Variants in SEMA3E observed in about 807,000 individuals in gnomAD.
The protein encoded by SEMA3E is semaphorin-3E.
In SEMA3E, 49 loss-of-function variants were observed where a neutral mutation model predicts 93.6. That is an observed-to-expected ratio of 0.52 (90% confidence interval 0.42 to 0.66). The LOEUF (loss-of-function observed/expected upper bound fraction) is 0.66, where lower values mean the gene tolerates loss of function less well. Ranked by LOEUF, SEMA3E falls within the 30% of genes least tolerant of loss-of-function variation. SEMA3E has a pLI of 0.00. For missense variants in SEMA3E, 906 were observed against 964.8 expected (o/e 0.94, Z 0.81); for synonymous variants, 363 against 330.7 (o/e 1.10, Z -1.06).
intron 1 of SEMA3E, among the ~76,000 whole-genome samples, chr7:83,639,090 G>A (rs1009352751): frequency 2.7e-5 from 3 of 111,172 alleles, no homozygotes; most frequent in Admixed American, 1.1e-4. Flanking sequence ...CAGCCTGGGC[G>A]ACAGAGCGAG....
At chr7:83,417,330 G>T (rs1054956453) in intron 5 of SEMA3E, among the ~76,000 whole-genome samples, 17 of 152,010 alleles carry the variant, frequency 1.1e-4, no homozygotes, top group African/African-American at 4.1e-4. Flanking sequence ...AAACTGACTT[G>T]AATATGTTTA....
At chr7:83,646,100 G>A (rs1049451418) in intron 1 of SEMA3E, among the ~76,000 whole-genome samples, 4 of 151,958 alleles carry the variant, frequency 2.6e-5, no homozygotes, top group African/African-American at 9.7e-5. Flanking sequence ...CCTTGCTAGT[G>A]GTCAGGCAGC....
chr7:83,641,785 A>C (rs1794014960), intron 1 of SEMA3E, among the ~76,000 whole-genome samples: 1 of 152,196 alleles, frequency 6.6e-6, no homozygotes, highest in Admixed American at 6.5e-5. Flanking sequence ...TTAGAATAAA[A>C]AAGAGAACAG....
chr7:83,511,914 A>G (rs538926562), intron 1 of SEMA3E, among the ~76,000 whole-genome samples: 1 of 152,238 alleles, frequency 6.6e-6, no homozygotes, highest in African/African-American at 2.4e-5. Context: ...TAAGTAAAGT[A>G]ATTAAAATAA....
At chr7:83,440,765 G>A (rs1789096550) in intron 4 of SEMA3E, among the ~76,000 whole-genome samples, 1 of 145,944 alleles carries the variant, frequency 6.9e-6, no homozygotes, top group East Asian at 2.0e-4. Context: ...TTGTGCCACT[G>A]CACTCCAGCC....
chr7:83,411,259 A>G (rs769623570), intron 5 of SEMA3E, among the ~76,000 whole-genome samples: 3 of 152,148 alleles, frequency 2.0e-5, no homozygotes, highest in Non-Finnish European at 4.4e-5. Context: ...TGTATTCTCA[A>G]TGTTACCCAG....
At chr7:83,461,820 C>CA (rs1789625351) in intron 4 of SEMA3E, among the ~76,000 whole-genome samples, 1 of 152,190 alleles carries the variant, frequency 6.6e-6, no homozygotes, top group African/African-American at 2.4e-5. Context: ...GTTACAATTC[C>CA]TTGCCTCCAC....
At chr7:83,525,899 C>T (rs772877562) in intron 1 of SEMA3E, among the ~76,000 whole-genome samples, 3 of 150,696 alleles carry the variant, frequency 2.0e-5, no homozygotes, top group Non-Finnish European at 4.4e-5. Context: ...AATCTCTAAG[C>T]CCATGGGTAG....
At position 83,367,328 on chromosome 7, in the gene SEMA3E, A is replaced by T. The variant is rs1384973152; in HGVS notation, c.*258T>A. 1 of 400,776 alleles carries T rather than the reference A, an allele frequency of 2.5e-6. No individual in the cohort carries two copies. 24.8% of individuals were successfully genotyped at this position (400,776 alleles called of 1,614,324 possible). On this transcript the variant is annotated 3_prime_UTR_variant, in exon 17 of 17. Coordinates refer to ENST00000643230, the MANE Select transcript of SEMA3E (RefSeq NM_012431.3). ...ACAGAAAAGCAGCCAAGTACTGAAA[A>T]TAACAGCTACAGTTGTTTTTTGATA... is the stretch of plus-strand genomic sequence containing the variant.
chr7:83,518,341 G>A (rs559101241), intron 1 of SEMA3E, among the ~76,000 whole-genome samples: 12 of 151,802 alleles, frequency 7.9e-5, no homozygotes, highest in Middle Eastern at 6.8e-3. Flanking sequence ...GCAGATGAGT[G>A]AGTACTTACA....
In SEMA3E at chr7:83,479,329, C is replaced by CTTTATTAGCATTTTATTTGAAA. The variant is rs1562800271; in HGVS notation, c.277-10028_277-10027insTTTCAAATAAAATGCTAATAAA. Among the ~76,000 whole-genome samples, 6 of 152,096 alleles carry CTTTATTAGCATTTTATTTGAAA rather than the reference C, an allele frequency of 3.9e-5. No homozygotes were observed. The East Asian group carries it at 1.2e-3, about 29-fold the overall frequency. On this transcript the variant is annotated intron_variant, in intron 2 of 16. Coordinates refer to ENST00000643230, the MANE Select transcript of SEMA3E (RefSeq NM_012431.3). Reference sequence around the variant, plus strand: ...AAACTTTCTTAGCATTTTATTTGAACCTTTATTGTCTATTCAAATTGTGCC... The same window carrying CTTTATTAGCATTTTATTTGAAA: ...AAACTTTCTTAGCATTTTATTTGAACTTTATTAGCATTTTATTTGAAACTTTATTGTCTATTCAAATTGTGCC...
At chr7:83,499,370 C>A (rs1790551958) in intron 1 of SEMA3E, among the ~76,000 whole-genome samples, 1 of 152,108 alleles carries the variant, frequency 6.6e-6, no homozygotes, top group Non-Finnish European at 1.5e-5. Flanking sequence ...ATCCCCATAA[C>A]CTCATAAACC....
At chr7:83,413,455 T>A (rs1034799675) in intron 5 of SEMA3E, among the ~76,000 whole-genome samples, 1 of 152,234 alleles carries the variant, frequency 6.6e-6, no homozygotes, top group African/African-American at 2.4e-5. Flanking sequence ...CTGAATTTTA[T>A]AATTTTGTTA....
At chr7:83,483,028 T>C (rs906689707) in intron 2 of SEMA3E, among the ~76,000 whole-genome samples, 8 of 151,870 alleles carry the variant, frequency 5.3e-5, no homozygotes. Context: ...GCTCAAAAAA[T>C]TTAGAATGCT....
chr7:83,640,440 T>C (rs1169428386), intron 1 of SEMA3E, among the ~76,000 whole-genome samples: 1 of 152,144 alleles, frequency 6.6e-6, no homozygotes, highest in Non-Finnish European at 1.5e-5. Flanking sequence ...CTAATTCCTC[T>C]CCTCTCCAAT....
At chr7:83,599,820 G>T (rs1205086123) in intron 1 of SEMA3E, among the ~76,000 whole-genome samples, 1 of 152,084 alleles carries the variant, frequency 6.6e-6, no homozygotes, top group African/African-American at 2.4e-5. Context: ...GTCCGTGTAT[G>T]TTTGTGTGTC....
At chr7:83,506,922 T>C (rs1790716188) in intron 1 of SEMA3E, among the ~76,000 whole-genome samples, 1 of 152,218 alleles carries the variant, frequency 6.6e-6, no homozygotes. Context: ...AATTTATTAG[T>C]AGAGCAAGTT....
intron 16 of SEMA3E, among the ~76,000 whole-genome samples, chr7:83,369,599 T>A (rs1231621689): frequency 6.6e-6 from 1 of 152,152 alleles, no homozygotes; most frequent in African/African-American, 2.4e-5. Flanking sequence ...TGGGACCATG[T>A]CCTGGTAGGC....
At chr7:83,449,287 A>G (rs1789303330) in intron 4 of SEMA3E, among the ~76,000 whole-genome samples, 1 of 151,842 alleles carries the variant, frequency 6.6e-6, no homozygotes, top group East Asian at 1.9e-4. Context: ...TTTGGTAGAG[A>G]CAGGGTTTCA....
Sources: allele counts gnomAD v4.1 joint callset (sites outside exome capture counted in the v4.1 genomes callset), GRCh38; gene constraint gnomAD v4.1.1; transcripts MANE v1.5; gene names NCBI Gene and HGNC (gene_info 2026-07-23, HGNC 2026-07-21).